Variants in TRAPPC9 observed in about 807,000 individuals in gnomAD.
TRAPPC9 encodes the protein IKK2 binding protein.
TRAPPC9 carries 83 observed loss-of-function variants against 124.0 expected under a neutral mutation model. The observed-to-expected ratio is 0.67, with a 90% CI of 0.56 to 0.80. The LOEUF (loss-of-function observed/expected upper bound fraction) is 0.80. Among genes scored for constraint, TRAPPC9 ranks in the 30% least tolerant of loss-of-function variants. The probability of loss-of-function intolerance (pLI) is 0.00; values close to 1 mark genes in which losing one functional copy is unlikely to be tolerated. For synonymous variants in TRAPPC9, 638 were observed against 617.5 expected (o/e 1.03, Z -0.49); for missense variants, 1,302 against 1,508.3 (o/e 0.86, Z 2.27).
chr8:140,414,849 C>T (rs1237887286), intron 5 of TRAPPC9, among the ~76,000 whole-genome samples: 2 of 152,058 alleles, frequency 1.3e-5, no homozygotes, highest in African/African-American at 4.8e-5. Context: ...TCAAGCAATT[C>T]TCCTGCCTCA....
intron 9 of TRAPPC9, among the ~76,000 whole-genome samples, chr8:140,313,371 C>G (rs2066354230): frequency 6.6e-6 from 1 of 152,118 alleles, no homozygotes; most frequent in Non-Finnish European, 1.5e-5. Flanking sequence ...GCACCGTTAT[C>G]CAAGAAAGGA....
intron 20 of TRAPPC9, chr8:139,904,596 A>G (rs571908118): frequency 8.8e-4 from 134 of 152,388 alleles, no homozygotes; most frequent in East Asian, 6.4e-3. Context: ...GATCCTGACT[A>G]TGCCTCTAGT....
chr8:140,438,907 G>A (rs1000944532), intron 3 of TRAPPC9, 145 bp downstream of exon 3: 2 of 948,714 alleles, frequency 2.1e-6, no homozygotes, highest in African/African-American at 1.6e-5. Flanking sequence ...GGCCAGGATG[G>A]TCTCAATCTC....
chr8:139,780,364 C>G (rs1821720794), intron 21 of TRAPPC9, among the ~76,000 whole-genome samples: 1 of 152,082 alleles, frequency 6.6e-6, no homozygotes, highest in African/African-American at 2.4e-5. Context: ...ACAGAGAGTT[C>G]AGAAATACAC....
At position 140,118,513 on chromosome 8, in the gene TRAPPC9, G is replaced by A. The variant is rs543188593; in HGVS notation, c.2557-94434C>T. Among the ~76,000 whole-genome samples, 10 of 152,296 alleles carry A rather than the reference G, an allele frequency of 6.6e-5. No homozygotes were observed. In the East Asian group the frequency reaches 1.9e-3, roughly 29 times the overall value. ...TCCTTCTTTGGGAACTGTCATCTGTGCACAGGAAAGGCCTCTGATAGCCAT... is the reference window on the plus strand; with the variant it reads ...TCCTTCTTTGGGAACTGTCATCTGTACACAGGAAAGGCCTCTGATAGCCAT... On this transcript the variant is annotated intron_variant, in intron 17 of 22. Coordinates refer to ENST00000438773, the MANE Select transcript of TRAPPC9 (RefSeq NM_001160372.4).
intron 21 of TRAPPC9, among the ~76,000 whole-genome samples, chr8:139,792,930 G>T (rs1822800920): frequency 6.6e-6 from 1 of 152,246 alleles, no homozygotes; most frequent in African/African-American, 2.4e-5. Context: ...AAGGGACGGA[G>T]CTGGCAGGTG....
At chr8:139,935,279 G>A (rs1358439637) in intron 19 of TRAPPC9, among the ~76,000 whole-genome samples, 2 of 152,182 alleles carry the variant, frequency 1.3e-5, no homozygotes, top group East Asian at 1.9e-4. Context: ...AAAATTACAC[G>A]TGCTTTTGTG....
intron 17 of TRAPPC9, among the ~76,000 whole-genome samples, chr8:140,118,782 A>T (rs1385264505): frequency 6.6e-6 from 1 of 152,148 alleles, no homozygotes; most frequent in Non-Finnish European, 1.5e-5. Flanking sequence ...CAAAGGAAGG[A>T]CAAGAAGCCA....
At chr8:139,818,886 C>T (rs1825052543) in intron 21 of TRAPPC9, among the ~76,000 whole-genome samples, 1 of 152,214 alleles carries the variant, frequency 6.6e-6, no homozygotes. Context: ...TCTTCAGACA[C>T]AATTTGTCAC....
At chr8:140,016,143 A>G (rs1354024888) in intron 18 of TRAPPC9, among the ~76,000 whole-genome samples, 1 of 152,238 alleles carries the variant, frequency 6.6e-6, no homozygotes, top group Non-Finnish European at 1.5e-5. Context: ...TGCTCTCTCC[A>G]ACGTATATAT....
intron 21 of TRAPPC9, among the ~76,000 whole-genome samples, chr8:139,734,995 C>T (rs1338993005): frequency 7.9e-5 from 12 of 152,228 alleles, no homozygotes; most frequent in Non-Finnish European, 2.9e-5. Flanking sequence ...TCTGACCAGG[C>T]TGGGATAAAC....
intron 19 of TRAPPC9, among the ~76,000 whole-genome samples, chr8:139,945,146 T>G (rs1349869002): frequency 6.6e-6 from 1 of 151,788 alleles, no homozygotes; most frequent in African/African-American, 2.4e-5. Context: ...AATAAAGAAA[T>G]AAATAGTAAA....
chr8:140,235,291 G>C (rs1264086877), intron 16 of TRAPPC9, among the ~76,000 whole-genome samples: 4 of 152,126 alleles, frequency 2.6e-5, no homozygotes, highest in Admixed American at 6.5e-5. Context: ...ATAATTTTTA[G>C]TTAAGAAATC....
At chr8:140,362,268 G>A (rs1452646883) in intron 8 of TRAPPC9, among the ~76,000 whole-genome samples, 1 of 152,208 alleles carries the variant, frequency 6.6e-6, no homozygotes. Flanking sequence ...TAAGGCTGGT[G>A]AAAGGAAACC....
In TRAPPC9 at chr8:140,032,585, G is replaced by A. The variant is rs548401459; in HGVS notation, c.2557-8506C>T. Reference sequence around the variant, plus strand: ...TCCTTTGCAGGTTATTTGTAGACATGTGTGCCATTCCATGGTACAGATATG... The same window carrying A: ...TCCTTTGCAGGTTATTTGTAGACATATGTGCCATTCCATGGTACAGATATG... On this transcript the variant is annotated intron_variant, in intron 17 of 22. Transcript: ENST00000438773. Among the ~76,000 whole-genome samples the A allele has an allele frequency of 3.9e-5, 6 of 152,296 alleles. No individual in the cohort carries two copies. In the South Asian group the frequency reaches 1.2e-3, roughly 32 times the overall value.
chr8:140,245,268 C>T (rs573048973), intron 16 of TRAPPC9, among the ~76,000 whole-genome samples: 10 of 152,332 alleles, frequency 6.6e-5, no homozygotes, highest in African/African-American at 1.9e-4. Flanking sequence ...TCGATTTGCC[C>T]ATCCCAATGC....
At chr8:140,187,307 C>G (rs1270276261) in intron 17 of TRAPPC9, among the ~76,000 whole-genome samples, 1 of 152,204 alleles carries the variant, frequency 6.6e-6, no homozygotes, top group Non-Finnish European at 1.5e-5. Context: ...GATGCCCCAC[C>G]TAGACCAAGG....
At chr8:139,734,806 T>C (rs918537721) in intron 21 of TRAPPC9, among the ~76,000 whole-genome samples, 1 of 152,210 alleles carries the variant, frequency 6.6e-6, no homozygotes, top group East Asian at 1.9e-4. Flanking sequence ...GTGCCCACTA[T>C]AGGGCCCAGG....
chr8:139,885,731 C>T (rs1054224836), intron 21 of TRAPPC9, 148 bp downstream of exon 21: 3 of 764,248 alleles, frequency 3.9e-6, no homozygotes, highest in East Asian at 2.7e-5. Context: ...ATGGTGAGCC[C>T]GTCTTTTTCC....
Sources: allele counts gnomAD v4.1 joint callset (sites outside exome capture counted in the v4.1 genomes callset), GRCh38; gene constraint gnomAD v4.1.1; transcripts MANE v1.5; gene names NCBI Gene and HGNC (gene_info 2026-07-23, HGNC 2026-07-21).